The following CFAP299 variants were observed in gnomAD, a reference collection of about 807,000 sequenced individuals.
The protein encoded by CFAP299 is cilia and flagella associated protein 299, also known as cilia- and flagella-associated protein 299.
CFAP299 carries 21 observed loss-of-function variants against 27.0 expected under a neutral mutation model. That is an observed-to-expected ratio of 0.78 (90% CI 0.55 to 1.12). The LOEUF is 1.12. CFAP299 is among the 50% of genes most tolerant of loss of function. The pLI, the probability that CFAP299 is intolerant of heterozygous loss-of-function variation, is 0.00. For synonymous variants in CFAP299, 104 were observed against 98.1 expected (o/e 1.06, Z -0.36); for missense variants, 310 against 276.6 (o/e 1.12, Z -0.86).
intron 2 of CFAP299, among the ~76,000 whole-genome samples, chr4:80,481,254 T>C (rs1312855467): frequency 2.0e-5 from 3 of 152,052 alleles, no homozygotes; most frequent in Non-Finnish European, 4.4e-5. Flanking sequence ...TAGTTGGTTG[T>C]TTCTGGAAAT....
chr4:80,856,911 T>C (rs1731938098), intron 3 of CFAP299, among the ~76,000 whole-genome samples: 1 of 151,764 alleles, frequency 6.6e-6, no homozygotes, highest in African/African-American at 2.4e-5. Flanking sequence ...CCATATGAAG[T>C]TTAAAGTAGT....
intron 3 of CFAP299, among the ~76,000 whole-genome samples, chr4:80,638,772 C>T (rs1203074777): frequency 1.3e-5 from 2 of 152,186 alleles, no homozygotes; most frequent in African/African-American, 4.8e-5. Flanking sequence ...TGCAGTCACT[C>T]TTAGGTTCAG....
chr4:80,358,878 T>C (rs1723403298), intron 1 of CFAP299, among the ~76,000 whole-genome samples: 1 of 152,196 alleles, frequency 6.6e-6, no homozygotes, highest in African/African-American at 2.4e-5. Flanking sequence ...TAGCTAGTTA[T>C]TTTGCAGACT....
At chr4:80,341,638 A>G (rs1472248009) in intron 1 of CFAP299, among the ~76,000 whole-genome samples, 4 of 152,202 alleles carry the variant, frequency 2.6e-5, no homozygotes, top group Non-Finnish European at 5.9e-5. Flanking sequence ...AACAACAACA[A>G]CAAAGACCCC....
intron 4 of CFAP299, among the ~76,000 whole-genome samples, chr4:80,903,732 G>A (rs1318396552): frequency 6.6e-6 from 1 of 151,986 alleles, no homozygotes; most frequent in Non-Finnish European, 1.5e-5. Context: ...GTCCTTCAAA[G>A]ATATATCTGA....
At chr4:80,799,885 A>G (rs1560417789) in intron 3 of CFAP299, among the ~76,000 whole-genome samples, 2 of 40,992 alleles carry the variant, frequency 4.9e-5, no homozygotes, top group South Asian at 1.6e-3. Context: ...ATATTATATA[A>G]TATATAAATT....
At chr4:80,401,829 C>T (rs942476630) in intron 2 of CFAP299, among the ~76,000 whole-genome samples, 3 of 152,124 alleles carry the variant, frequency 2.0e-5, no homozygotes, top group Non-Finnish European at 4.4e-5. Flanking sequence ...CAATGCCAGC[C>T]CATGAAAGCA....
intron 2 of CFAP299, among the ~76,000 whole-genome samples, chr4:80,427,487 T>C (rs188037851): frequency 3.9e-5 from 6 of 152,342 alleles, no homozygotes; most frequent in Admixed American, 1.3e-4. Flanking sequence ...TGAAGTCTTC[T>C]TAACCTGAAT....
At chr4:80,921,684 T>A (rs1736053286) in intron 4 of CFAP299, among the ~76,000 whole-genome samples, 1 of 151,938 alleles carries the variant, frequency 6.6e-6, no homozygotes, top group Non-Finnish European at 1.5e-5. Context: ...GGAGATAATC[T>A]GGTTAAATCT....
intron 2 of CFAP299, among the ~76,000 whole-genome samples, chr4:80,574,233 T>C (rs973309861): frequency 6.6e-6 from 1 of 152,242 alleles, no homozygotes; most frequent in South Asian, 2.1e-4. Flanking sequence ...TGGGATTAAT[T>C]TTTTATTTCT....
chr4:80,485,038 T>C (rs1284711216), intron 2 of CFAP299, among the ~76,000 whole-genome samples: 1 of 152,032 alleles, frequency 6.6e-6, no homozygotes, highest in Non-Finnish European at 1.5e-5. Flanking sequence ...AGAAAGAAAC[T>C]TTATAATGGA....
chr4:80,530,914 G>A (rs1011174321), intron 2 of CFAP299, among the ~76,000 whole-genome samples: 2 of 152,200 alleles, frequency 1.3e-5, no homozygotes, highest in Non-Finnish European at 2.9e-5. Flanking sequence ...TCCAAGACCT[G>A]AGTGTGGAAG....
At chr4:80,729,231 CTT>C in intron 3 of CFAP299, among the ~76,000 whole-genome samples, 1 of 152,306 alleles carries the variant, frequency 6.6e-6, no homozygotes, top group East Asian at 1.9e-4. Context: ...GCTCCACACT[CTT>C]TTGGTTGCTA....
intron 3 of CFAP299, among the ~76,000 whole-genome samples, chr4:80,664,663 G>A (rs1433284603): frequency 2.0e-5 from 3 of 152,100 alleles, no homozygotes; most frequent in Non-Finnish European, 2.9e-5. Flanking sequence ...TAGCTTGCTG[G>A]GCTCCCTGGG....
intron 2 of CFAP299, among the ~76,000 whole-genome samples, chr4:80,398,150 A>G (rs527931449): frequency 1.3e-5 from 2 of 152,218 alleles, no homozygotes; most frequent in Non-Finnish European, 2.9e-5. Flanking sequence ...GGACCTCTTC[A>G]AGGAGAACTA....
chr4:80,443,676 G>A (rs1408640037), intron 2 of CFAP299, among the ~76,000 whole-genome samples: 1 of 152,136 alleles, frequency 6.6e-6, no homozygotes, highest in African/African-American at 2.4e-5. Flanking sequence ...GGAAGTCCTG[G>A]CCAGGGCAGT....
At chr4:80,512,236 G>GTA (rs1732343111) in intron 2 of CFAP299, among the ~76,000 whole-genome samples, 1 of 151,832 alleles carries the variant, frequency 6.6e-6, no homozygotes, top group African/African-American at 2.4e-5. Context: ...GTGTGTGTGT[G>GTA]TGTGTGTGCA....
chr4:80,815,058 G>A (rs1263109015), intron 3 of CFAP299, among the ~76,000 whole-genome samples: 1 of 151,830 alleles, frequency 6.6e-6, no homozygotes, highest in Middle Eastern at 3.2e-3. Context: ...GGTGAAAACC[G>A]ATACCCAAAG....
intron 2 of CFAP299, among the ~76,000 whole-genome samples, chr4:80,400,099 C>T (rs60554077): frequency 0.19 from 28,801 of 151,912 alleles, 2,897 homozygotes; most frequent in South Asian, 0.29. Context: ...TATATATTGT[C>T]TGTCTCTTTA....
Sources: gnomAD v4.1 joint callset for allele counts (sites outside exome capture counted in the v4.1 genomes callset) on GRCh38, gnomAD v4.1.1 for gene constraint, MANE v1.5 for transcripts, NCBI Gene and HGNC (gene_info 2026-07-23, HGNC 2026-07-21) for gene names.